Variants in PAK5 observed in about 807,000 individuals in gnomAD.
PAK5 encodes the protein p21 (RAC1) activated kinase 5.
Under a neutral mutation model 65.9 loss-of-function variants are expected in PAK5, and 16 were observed. That is an observed-to-expected ratio of 0.24 (90% CI 0.16 to 0.37). The LOEUF (loss-of-function observed/expected upper bound fraction) is 0.37, where lower values mean the gene tolerates loss of function less well. PAK5 is among the 10% of genes least tolerant of loss of function. The pLI, the probability that PAK5 is intolerant of heterozygous loss-of-function variation, is 1.00. For missense variants in PAK5, 785 were observed against 903.9 expected (o/e 0.87, Z 1.69); for synonymous variants, 371 against 354.9 (o/e 1.05, Z -0.51).
At chr20:9,598,996 G>A (rs571641804) in intron 3 of PAK5, among the ~76,000 whole-genome samples, 15 of 152,032 alleles carry the variant, frequency 9.9e-5, no homozygotes, top group Admixed American at 5.9e-4. Flanking sequence ...ATCATCTCAC[G>A]TAGAAACTTT....
chr20:9,550,014 T>C (rs1308694359), intron 7 of PAK5, among the ~76,000 whole-genome samples: 9 of 152,190 alleles, frequency 5.9e-5, no homozygotes, highest in Non-Finnish European at 1.2e-4. Context: ...AATAAACTTC[T>C]AAATTGATTG....
intron 1 of PAK5, among the ~76,000 whole-genome samples, chr20:9,728,295 G>T (rs192009578): frequency 6.6e-5 from 10 of 152,152 alleles, no homozygotes; most frequent in Admixed American, 3.9e-4. Flanking sequence ...AGAATCACGA[G>T]AAATAAATTT....
intron 1 of PAK5, among the ~76,000 whole-genome samples, chr20:9,825,804 T>C (rs2049477271): frequency 1.3e-5 from 2 of 152,212 alleles, no homozygotes. Context: ...ATTTGCGTTA[T>C]ATTTAAATTA....
intron 1 of PAK5, among the ~76,000 whole-genome samples, chr20:9,830,554 C>T (rs1268363003): frequency 6.6e-6 from 1 of 152,146 alleles, no homozygotes; most frequent in African/African-American, 2.4e-5. Context: ...TGTGTTGGTG[C>T]CTGATCTATT....
At chr20:9,827,982 CCA>C (rs1371582021) in intron 1 of PAK5, among the ~76,000 whole-genome samples, 3 of 152,186 alleles carry the variant, frequency 2.0e-5, no homozygotes, top group African/African-American at 7.2e-5. Context: ...CAGGCGTGCG[CCA>C]CCATGCCCAG....
chr20:9,547,131 C>A (rs1290517184), intron 7 of PAK5, among the ~76,000 whole-genome samples: 1 of 152,084 alleles, frequency 6.6e-6, no homozygotes, highest in Non-Finnish European at 1.5e-5. Flanking sequence ...CATGTGAAGG[C>A]AAAGCAGAGA....
rs541628737 is a variant in PAK5 at position 9,721,784 on chromosome 20, T to C, written c.-161-10349A>G. Among the ~76,000 whole-genome samples, 10 of 151,852 alleles carry C rather than the reference T, an allele frequency of 6.6e-5. No individual in the cohort carries two copies. In the South Asian group the frequency reaches 1.9e-3, roughly 28 times the overall value. The stretch of plus-strand genomic sequence containing the variant: ...TTCTAATATTAACTGGGAAATATAG[T>C]TCAGAAAATAGAGCATGACTAAAAG... On this transcript the variant is annotated intron_variant, in intron 1 of 9. Transcript: ENST00000353224.
chr20:9,794,068 A>C (rs1312449195), intron 1 of PAK5, among the ~76,000 whole-genome samples: 1 of 152,038 alleles, frequency 6.6e-6, no homozygotes, highest in Non-Finnish European at 1.5e-5. Flanking sequence ...TCAGCGAACT[A>C]ACACAGGAAC....
At chr20:9,718,887 C>G (rs1336979479) in intron 1 of PAK5, among the ~76,000 whole-genome samples, 2 of 152,126 alleles carry the variant, frequency 1.3e-5, no homozygotes, top group African/African-American at 4.8e-5. Flanking sequence ...AAAATCATTC[C>G]ATTACCGGGT....
intron 1 of PAK5, among the ~76,000 whole-genome samples, chr20:9,798,993 C>T (rs1017345050): frequency 6.6e-6 from 1 of 152,028 alleles, no homozygotes; most frequent in African/African-American, 2.4e-5. Context: ...CTAGGGAGAG[C>T]TTTGCATAAA....
chr20:9,556,764 G>A (rs182423981), intron 7 of PAK5, among the ~76,000 whole-genome samples: 1 of 152,162 alleles, frequency 6.6e-6, no homozygotes, highest in Non-Finnish European at 1.5e-5. Context: ...TGGGCCTAGA[G>A]GTTTGCCAGT....
At chr20:9,561,785 G>A (rs2045594264) in intron 6 of PAK5, among the ~76,000 whole-genome samples, 1 of 151,886 alleles carries the variant, frequency 6.6e-6, no homozygotes, top group African/African-American at 2.4e-5. Flanking sequence ...TAACTTTTTG[G>A]CATTTTATTT....
At chr20:9,735,251 A>G (rs1431803290) in intron 1 of PAK5, among the ~76,000 whole-genome samples, 1 of 152,174 alleles carries the variant, frequency 6.6e-6, no homozygotes, top group Non-Finnish European at 1.5e-5. Flanking sequence ...CAGACGGAGT[A>G]CCAGAGGGGA....
At chr20:9,658,687 T>C (rs997619811) in intron 2 of PAK5, among the ~76,000 whole-genome samples, 1 of 152,118 alleles carries the variant, frequency 6.6e-6, no homozygotes, top group Non-Finnish European at 1.5e-5. Context: ...AAACTGGCTA[T>C]GGAAAAAGGG....
chr20:9,565,418 C>T (rs1418801290), intron 5 of PAK5, among the ~76,000 whole-genome samples: 3 of 152,064 alleles, frequency 2.0e-5, no homozygotes, highest in Non-Finnish European at 4.4e-5. Flanking sequence ...TAAACTGACC[C>T]TGGTCTACTG....
At chr20:9,618,713 G>A (rs2046708858) in intron 3 of PAK5, among the ~76,000 whole-genome samples, 1 of 150,928 alleles carries the variant, frequency 6.6e-6, no homozygotes, top group South Asian at 2.1e-4. Context: ...GCGCCCGGCT[G>A]GAACTTATTT....
chr20:9,738,422 A>C (rs529512418), intron 1 of PAK5, among the ~76,000 whole-genome samples: 1 of 152,210 alleles, frequency 6.6e-6, no homozygotes. Context: ...ACAAATGTCC[A>C]TCAACAGGTG....
intron 3 of PAK5, among the ~76,000 whole-genome samples, chr20:9,641,796 G>A (rs1021258422): frequency 2.0e-5 from 3 of 152,248 alleles, no homozygotes; most frequent in Admixed American, 2.0e-4. Context: ...GGCACTGCTG[G>A]GGGACTCAGT....
At chr20:9,741,806 A>G (rs2048453563) in intron 1 of PAK5, among the ~76,000 whole-genome samples, 1 of 151,828 alleles carries the variant, frequency 6.6e-6, no homozygotes, top group African/African-American at 2.4e-5. Context: ...GAGGTCTTGC[A>G]TGGAATCTTT....
Sources: gnomAD v4.1 joint callset for allele counts (sites outside exome capture counted in the v4.1 genomes callset) on GRCh38, gnomAD v4.1.1 for gene constraint, MANE v1.5 for transcripts, NCBI Gene and HGNC (gene_info 2026-07-23, HGNC 2026-07-21) for gene names.